Variants in ADGRB3 observed in about 807,000 individuals in gnomAD.
ADGRB3 encodes the protein adhesion G protein-coupled receptor B3.
ADGRB3 carries 37 observed loss-of-function variants against 193.4 expected under a neutral mutation model. The observed-to-expected ratio is 0.19, with a 90% confidence interval of 0.15 to 0.25. The LOEUF (loss-of-function observed/expected upper bound fraction) is 0.25. Ranked by LOEUF, ADGRB3 falls within the 10% of genes least tolerant of loss-of-function variation. ADGRB3 has a pLI of 1.00. For synonymous variants in ADGRB3, 690 were observed against 644.2 expected (o/e 1.07, Z -1.08); for missense variants, 1,637 against 1,852.9 (o/e 0.88, Z 2.14).
At chr6:69,308,343 C>A (rs1180483064) in intron 20 of ADGRB3, among the ~76,000 whole-genome samples, 4 of 151,342 alleles carry the variant, frequency 2.6e-5, no homozygotes, top group Non-Finnish European at 5.9e-5. Flanking sequence ...GTAAAATCCA[C>A]CACAGTTTAC....
At position 68,938,028 on chromosome 6, in the gene ADGRB3, A is replaced by G. The variant is rs548219626; in HGVS notation, c.1030+1348A>G. Among the ~76,000 whole-genome samples, 5 of 152,146 alleles carry G rather than the reference A, an allele frequency of 3.3e-5. 1 individual carries two copies. The South Asian group carries it at 1.0e-3, about 32-fold the overall frequency. On this transcript the variant is annotated intron_variant, in intron 5 of 31. Coordinates refer to ENST00000370598, the MANE Select transcript of ADGRB3 (RefSeq NM_001704.3). ...CAATGAGGTGGGCGATCCCTTTAGAATAGAATTGGGAGGTTAACAAAGCAG... is the reference window on the plus strand; with the variant it reads ...CAATGAGGTGGGCGATCCCTTTAGAGTAGAATTGGGAGGTTAACAAAGCAG...
chr6:68,812,623 A>T (rs1767534025), intron 3 of ADGRB3, among the ~76,000 whole-genome samples: 1 of 152,048 alleles, frequency 6.6e-6, no homozygotes, highest in South Asian at 2.1e-4. Flanking sequence ...TAGGTGATTA[A>T]CTGTGAATGT....
chr6:69,101,816 C>A (rs1040382051), intron 17 of ADGRB3, among the ~76,000 whole-genome samples: 3 of 152,068 alleles, frequency 2.0e-5, no homozygotes, highest in Admixed American at 1.3e-4. Flanking sequence ...TTTCCCAATA[C>A]CACTAAGCTG....
intron 3 of ADGRB3, among the ~76,000 whole-genome samples, chr6:68,897,834 AAAAG>A (rs1766280106): frequency 6.7e-6 from 1 of 149,438 alleles, no homozygotes; most frequent in South Asian, 2.1e-4. Flanking sequence ...GAAGGAGAGA[AAAAG>A]AGAAAGAAAG....
intron 10 of ADGRB3, among the ~76,000 whole-genome samples, chr6:68,976,956 T>G (rs1953614): frequency 0.1 from 14,976 of 150,200 alleles, 1,586 homozygotes; most frequent in East Asian, 0.56. Context: ...ATATATATTT[T>G]TTTATATTTA....
intron 17 of ADGRB3, among the ~76,000 whole-genome samples, chr6:69,158,629 A>G (rs1350399195): frequency 6.6e-6 from 1 of 152,136 alleles, no homozygotes; most frequent in Non-Finnish European, 1.5e-5. Context: ...TTTATTATTA[A>G]TACTACTCAT....
chr6:69,239,533 T>C (rs1232705881), intron 20 of ADGRB3, among the ~76,000 whole-genome samples: 2 of 152,012 alleles, frequency 1.3e-5, no homozygotes, highest in African/African-American at 4.8e-5. Flanking sequence ...TTTGATTCAT[T>C]AGTCTAATTG....
At chr6:68,870,173 G>A (rs984564698) in intron 3 of ADGRB3, among the ~76,000 whole-genome samples, 2 of 152,130 alleles carry the variant, frequency 1.3e-5, no homozygotes, top group African/African-American at 2.4e-5. Flanking sequence ...TCAGAAACCA[G>A]TAGCATTATT....
chr6:69,275,913 A>C (rs759419292), intron 20 of ADGRB3, among the ~76,000 whole-genome samples: 7 of 152,182 alleles, frequency 4.6e-5, no homozygotes, highest in Non-Finnish European at 8.8e-5. Flanking sequence ...TGTTTTTTTA[A>C]AAAAGCCATG....
intron 10 of ADGRB3, among the ~76,000 whole-genome samples, chr6:68,991,457 A>G (rs910562323): frequency 1.3e-5 from 2 of 152,016 alleles, no homozygotes; most frequent in Non-Finnish European, 2.9e-5. Flanking sequence ...TGAGAATGAC[A>G]CGGACTCCAT....
intron 17 of ADGRB3, among the ~76,000 whole-genome samples, chr6:69,179,677 CT>C (rs2150350902): frequency 6.6e-6 from 1 of 152,262 alleles, no homozygotes; most frequent in South Asian, 2.1e-4. Context: ...CTTGTTTCTT[CT>C]TTCCCTTTCA....
chr6:68,912,468 T>C (rs1394909726), intron 3 of ADGRB3, among the ~76,000 whole-genome samples: 1 of 152,030 alleles, frequency 6.6e-6, no homozygotes, highest in Non-Finnish European at 1.5e-5. Context: ...GCTGCACTCA[T>C]TAACTCATCA....
At chr6:69,004,373 G>T (rs1030419930) in intron 11 of ADGRB3, among the ~76,000 whole-genome samples, 2 of 150,408 alleles carry the variant, frequency 1.3e-5, no homozygotes, top group African/African-American at 4.9e-5. Flanking sequence ...TGCATCCCTG[G>T]TGTCTCTCTG....
chr6:68,655,718 C>T (rs1184909026), intron 3 of ADGRB3, among the ~76,000 whole-genome samples: 2 of 151,590 alleles, frequency 1.3e-5, no homozygotes, highest in Non-Finnish European at 3.0e-5. Context: ...ACAGTATCAC[C>T]ACTTTTTCCT....
intron 11 of ADGRB3, among the ~76,000 whole-genome samples, chr6:69,003,665 A>G (rs188332462): frequency 1.9e-4 from 29 of 152,260 alleles, no homozygotes; most frequent in African/African-American, 7.0e-4. Context: ...ATCACTTCCT[A>G]GATAATATTT....
intron 16 of ADGRB3, among the ~76,000 whole-genome samples, chr6:69,072,055 T>C (rs2150311252): frequency 6.6e-6 from 1 of 152,278 alleles, no homozygotes; most frequent in Middle Eastern, 3.4e-3. Flanking sequence ...TCATCATTGG[T>C]TGCTTTGTTT....
At position 68,771,668 on chromosome 6, in the gene ADGRB3, C is replaced by T. The variant is rs993483263; in HGVS notation, c.757+132236C>T. On this transcript the variant is annotated intron_variant, in intron 3 of 31. Transcript: ENST00000370598. The stretch of plus-strand genomic sequence containing the variant: ...GAGAGAGAAATAGGAAGCAAGCAAA[C>T]AAGCAAGTTAGCAATATCATGTAAT... Among the ~76,000 whole-genome samples, 3 of 152,006 alleles carry T rather than the reference C, an allele frequency of 2.0e-5. No individual in the cohort carries two copies. In the South Asian group the frequency reaches 6.2e-4, roughly 31 times the overall value.
chr6:68,892,042 A>G (rs1766092765), intron 3 of ADGRB3, among the ~76,000 whole-genome samples: 1 of 151,942 alleles, frequency 6.6e-6, no homozygotes, highest in Non-Finnish European at 1.5e-5. Context: ...GAGGAACTAT[A>G]TTTTTTATTT....
chr6:68,659,764 G>T (rs1448739290), intron 3 of ADGRB3, among the ~76,000 whole-genome samples: 1 of 150,992 alleles, frequency 6.6e-6, no homozygotes. Context: ...GAAGAATTTA[G>T]AAAACCATTC....
Sources: gnomAD v4.1 joint callset for allele counts (sites outside exome capture counted in the v4.1 genomes callset) on GRCh38, gnomAD v4.1.1 for gene constraint, MANE v1.5 for transcripts, NCBI Gene and HGNC (gene_info 2026-07-23, HGNC 2026-07-21) for gene names.